ACSM2B: variants seen among roughly 807,000 people sequenced by gnomAD.
ACSM2B encodes the protein acyl-CoA synthetase medium chain family member 2B.
In ACSM2B, 58 loss-of-function variants were observed where a neutral mutation model predicts 78.6. That is an observed-to-expected ratio of 0.74 (90% confidence interval 0.60 to 0.92). The LOEUF is 0.92. Ranked by LOEUF, ACSM2B falls within the 40% of genes least tolerant of loss-of-function variation. The probability of loss-of-function intolerance (pLI) is 0.00; values close to 1 mark genes in which losing one functional copy is unlikely to be tolerated. For missense variants in ACSM2B, 688 were observed against 711.2 expected, an observed-to-expected ratio of 0.97 and a Z score of 0.37; for synonymous variants, 257 against 256.8, an observed-to-expected ratio of 1.00 and a Z score of -0.01.
chr16:20,574,609 G>C (rs1303083486), intron 1 of ACSM2B: 1 of 150,836 alleles, frequency 6.6e-6, no homozygotes, highest in East Asian at 2.0e-4. Flanking sequence ...TTCTGCCTCA[G>C]CTCTGGCCGA....
At chr16:20,566,677 A>AG (rs370375661) in intron 1 of ACSM2B, among the ~76,000 whole-genome samples, 14 of 1,616 alleles carry the variant, frequency 8.7e-3, no homozygotes, top group African/African-American at 0.011. Flanking sequence ...TAGTATATAC[A>AG]TATAGTATAT....
intron 6 of ACSM2B, chr16:20,549,712 C>T (rs1255571085): frequency 4.6e-6 from 2 of 434,836 alleles, no homozygotes; most frequent in Admixed American, 4.9e-5. Context: ...GGTCAGGGTG[C>T]ACTTTGGTTT....
At chr16:20,538,735 G>A (rs779872361) in intron 13 of ACSM2B, among the ~76,000 whole-genome samples, 14 of 151,922 alleles carry the variant, frequency 9.2e-5, no homozygotes, top group African/African-American at 2.9e-4. Context: ...ATACTTAAAC[G>A]TTCAGCATTA....
chr16:20,573,595 T>C (rs557408834), intron 1 of ACSM2B, among the ~76,000 whole-genome samples: 134 of 142,484 alleles, frequency 9.4e-4, no homozygotes, highest in African/African-American at 3.2e-3. Context: ...TCTTTTCCAA[T>C]CTATCAGGGG....
At chr16:20,563,063 C>A (rs112652868) in intron 2 of ACSM2B, among the ~76,000 whole-genome samples, 3 of 151,974 alleles carry the variant, frequency 2.0e-5, no homozygotes, top group East Asian at 1.9e-4. Flanking sequence ...TTTGAAAACC[C>A]TAGTCTCTGA....
chr16:20,574,655 A>T (rs1043472600), intron 1 of ACSM2B: 7 of 149,384 alleles, frequency 4.7e-5, no homozygotes, highest in African/African-American at 1.8e-4. Context: ...CCTGCAAAAC[A>T]ATCAATGCCC....
At position 20,537,121 on chromosome 16, in the gene ACSM2B, C is replaced by T. The variant is rs2014862909; in HGVS notation, c.*137G>A. The T allele has an allele frequency of 2.9e-6, 3 of 1,033,248 alleles. No individual in the cohort carries two copies. Among genetic ancestry groups the T allele is most frequent in the Non-Finnish European group, 4.4e-6 (3 of 689,358 alleles). 64.0% of individuals were successfully genotyped at this position (1,033,248 alleles called of 1,614,324 possible). ...ATATCTAACATAGTAATGTTTTGTG[C>T]TAATAACCAGGGCAAGACAAAACTT... is the stretch of plus-strand genomic sequence containing the variant. On this transcript the variant is annotated 3_prime_UTR_variant, in exon 14 of 14. Coordinates refer to ENST00000329697, the MANE Select transcript of ACSM2B (RefSeq NM_001105069.2).
chr16:20,549,402 T>G (rs545540355), intron 6 of ACSM2B, among the ~76,000 whole-genome samples: 2 of 151,680 alleles, frequency 1.3e-5, no homozygotes, highest in African/African-American at 2.4e-5. Flanking sequence ...CCCAAGGAGG[T>G]TCGGGGCATC....
chr16:20,570,403 T>C (rs1250578005), intron 1 of ACSM2B, among the ~76,000 whole-genome samples: 1 of 151,930 alleles, frequency 6.6e-6, no homozygotes, highest in Admixed American at 6.6e-5. Flanking sequence ...GCATCCCTGG[T>C]ATGAAACCCA....
At chr16:20,563,427 T>A (rs1260254194) in intron 2 of ACSM2B, among the ~76,000 whole-genome samples, 1 of 152,210 alleles carries the variant, frequency 6.6e-6, no homozygotes, top group Non-Finnish European at 1.5e-5. Context: ...TCCATGGTTT[T>A]CATTAGTCAT....
At chr16:20,555,793 G>A (rs972994759) in intron 3 of ACSM2B, among the ~76,000 whole-genome samples, 8 of 152,102 alleles carry the variant, frequency 5.3e-5, no homozygotes, top group African/African-American at 1.9e-4. Flanking sequence ...TTTTCTACAG[G>A]AGTTCGCTGT....
At position 20,548,144 on chromosome 16, in the gene ACSM2B, T is replaced by C. The variant is rs142106780; in HGVS notation, c.1016A>G (p.Glu339Gly). The C allele has an allele frequency of 1.2e-6, 2 of 1,613,890 alleles. No individual in the cohort carries two copies. The highest frequency in any genetic ancestry group is 2.2e-5 in the East Asian group (1 of 44,880). ...CTCCAGAGTTTCTGGAAGAAGGGAC[T>C]CCCCTCCAGCGAGGCAGTTCTGTAG... ...PHLQNCLAGGESLLPETLENW... is the reference protein window; with the variant it reads ...PHLQNCLAGGGSLLPETLENW... The change falls in exon 8 of 14, where the codon GAG becomes GGG. Residue 339 changes from glutamate (E) to glycine (G), a missense_variant. Coordinates refer to ENST00000329697, the MANE Select transcript of ACSM2B (RefSeq NM_001105069.2).
intron 2 of ACSM2B, among the ~76,000 whole-genome samples, chr16:20,563,769 TC>T (rs2015737808): frequency 6.6e-6 from 1 of 151,916 alleles, no homozygotes; most frequent in Non-Finnish European, 1.5e-5. Flanking sequence ...CATGTCATAA[TC>T]GTGACTCTTT....
At chr16:20,566,436 ATT>A (rs2015846070) in intron 1 of ACSM2B, among the ~76,000 whole-genome samples, 1 of 129,596 alleles carries the variant, frequency 7.7e-6, no homozygotes, top group Non-Finnish European at 1.6e-5. Context: ...ATACATTTAT[ATT>A]GTATATAACA....
intron 1 of ACSM2B, among the ~76,000 whole-genome samples, chr16:20,572,072 C>T (rs2016107473): frequency 6.6e-6 from 1 of 150,624 alleles, no homozygotes; most frequent in South Asian, 2.2e-4. Context: ...TTACATTCAA[C>T]ATTAGTATTG....
chr16:20,571,205 A>G (rs2016085732), intron 1 of ACSM2B, among the ~76,000 whole-genome samples: 1 of 152,016 alleles, frequency 6.6e-6, no homozygotes, highest in Non-Finnish European at 1.5e-5. Context: ...GAAGGCATTT[A>G]AGGCTATGAA....
intron 1 of ACSM2B, among the ~76,000 whole-genome samples, chr16:20,570,202 T>C (rs1246600615): frequency 4.6e-5 from 7 of 151,976 alleles, no homozygotes; most frequent in Non-Finnish European, 1.0e-4. Context: ...GGGTTTGTCA[T>C]AGATGGCTTT....
At chr16:20,552,521 C>A (rs933028888) in intron 5 of ACSM2B, among the ~76,000 whole-genome samples, 1 of 152,040 alleles carries the variant, frequency 6.6e-6, no homozygotes, top group Non-Finnish European at 1.5e-5. Context: ...GAAGGTGGGA[C>A]CCCAGTTGAC....
chr16:20,563,520 G>A (rs1382160586), intron 2 of ACSM2B, among the ~76,000 whole-genome samples: 1 of 152,030 alleles, frequency 6.6e-6, no homozygotes, highest in African/African-American at 2.4e-5. Flanking sequence ...ATTCAGAATG[G>A]TGAGTCATGG....
Sources: allele counts gnomAD v4.1 joint callset (sites outside exome capture counted in the v4.1 genomes callset), GRCh38; gene constraint gnomAD v4.1.1; transcripts MANE v1.5; gene names NCBI Gene and HGNC (gene_info 2026-07-23, HGNC 2026-07-21).